Variants in SLC9A9 observed in about 807,000 individuals in gnomAD.
SLC9A9 encodes the protein sodium/hydrogen exchanger 9.
In SLC9A9, 62 loss-of-function variants were observed where a neutral mutation model predicts 77.8. The observed-to-expected ratio is 0.80, with a 90% CI of 0.65 to 0.98. The LOEUF (loss-of-function observed/expected upper bound fraction) is 0.98, where lower values mean the gene tolerates loss of function less well. Among genes scored for constraint, SLC9A9 ranks in the 50% least tolerant of loss-of-function variants. SLC9A9 has a pLI of 0.00. For missense variants in SLC9A9, 775 were observed against 774.9 expected (o/e 1.00, Z 0.00); for synonymous variants, 320 against 283.5 (o/e 1.13, Z -1.29).
intron 2 of SLC9A9, among the ~76,000 whole-genome samples, chr3:143,822,404 A>AC (rs978020610): frequency 2.0e-5 from 3 of 152,212 alleles, no homozygotes; most frequent in African/African-American, 7.2e-5. Flanking sequence ...CCTGGGGCAG[A>AC]ACTCGATAAA....
intron 11 of SLC9A9, among the ~76,000 whole-genome samples, chr3:143,489,190 A>G (rs1297481134): frequency 6.6e-6 from 1 of 151,972 alleles, no homozygotes; most frequent in Admixed American, 6.6e-5. Context: ...AGGAGGTGAA[A>G]GACTTATACA....
intron 6 of SLC9A9, chr3:143,627,402 ACT>A: frequency 4.5e-6 from 1 of 220,800 alleles, no homozygotes; most frequent in Non-Finnish European, 9.6e-6. Context: ...GAACATAGAG[ACT>A]CTGAATGTTC....
intron 14 of SLC9A9, among the ~76,000 whole-genome samples, chr3:143,343,154 C>T (rs1215503602): frequency 6.6e-6 from 1 of 152,112 alleles, no homozygotes; most frequent in Non-Finnish European, 1.5e-5. Flanking sequence ...TTTGATTGTG[C>T]TAGATGGTTT....
intron 4 of SLC9A9, among the ~76,000 whole-genome samples, chr3:143,712,049 A>G (rs1934211146): frequency 6.6e-6 from 1 of 152,196 alleles, no homozygotes; most frequent in African/African-American, 2.4e-5. Flanking sequence ...ACCTCGATAT[A>G]TGGACTGGCT....
intron 14 of SLC9A9, among the ~76,000 whole-genome samples, chr3:143,342,758 C>G (rs2032144551): frequency 6.6e-6 from 1 of 152,126 alleles, no homozygotes; most frequent in African/African-American, 2.4e-5. Context: ...CTGAAAAATT[C>G]CTATTGAGTG....
rs376585402 is a variant in SLC9A9 at position 143,771,019 on chromosome 3, T to TA, written c.533+23981dup. On this transcript the variant is annotated intron_variant, in intron 4 of 15. Coordinates refer to ENST00000316549, the MANE Select transcript of SLC9A9 (RefSeq NM_173653.4). ...ATGTATCCTGGAACTTAAAGTAAAA[T>TA]AAAAAAAAAAGATGCTCAGCCTTAC... is the stretch of plus-strand genomic sequence containing the variant. 4.8e-3 allele frequency among the ~76,000 whole-genome samples: 698 copies of TA among 145,422 alleles called. 8 individuals are homozygous for TA. Among genetic ancestry groups the TA allele is most frequent in the African/African-American group, 0.016 (637 of 39,678 alleles).
chr3:143,340,581 T>G (rs1394899779), intron 14 of SLC9A9, among the ~76,000 whole-genome samples: 1 of 152,004 alleles, frequency 6.6e-6, no homozygotes, highest in Non-Finnish European at 1.5e-5. Context: ...CTTAGAGAGG[T>G]TTCAGTTCAG....
chr3:143,404,098 G>T (rs1370391198), intron 12 of SLC9A9, among the ~76,000 whole-genome samples: 1 of 151,476 alleles, frequency 6.6e-6, no homozygotes, highest in Admixed American at 6.6e-5. Context: ...TATATAGTTG[G>T]GCCCTTTTAG....
At chr3:143,440,859 T>C (rs997670298) in intron 12 of SLC9A9, among the ~76,000 whole-genome samples, 7 of 152,204 alleles carry the variant, frequency 4.6e-5, no homozygotes, top group African/African-American at 1.7e-4. Flanking sequence ...TTTGGGGCAT[T>C]GTTATTCTAC....
At chr3:143,495,261 A>C (rs1450220888) in intron 10 of SLC9A9, 74 bp downstream of exon 10, 1 of 1,288,430 alleles carries the variant, frequency 7.8e-7, no homozygotes, top group African/African-American at 1.5e-5. Flanking sequence ...TTAATGATTT[A>C]ACAGAATAAT....
In SLC9A9 at chr3:143,469,242, A is replaced by T. The variant is rs74390985; in HGVS notation, c.1316-2052T>A. ...GACACTAATAAAAATAGAAATATAG[A>T]CTTGGAAGAAGAGTAAATAAAAGCA... On this transcript the variant is annotated intron_variant, in intron 11 of 15. Coordinates refer to ENST00000316549, the MANE Select transcript of SLC9A9 (RefSeq NM_173653.4). Among the ~76,000 whole-genome samples, 526 of 152,274 alleles carry T rather than the reference A, an allele frequency of 3.5e-3. 7 individuals carry two copies. The highest frequency in any genetic ancestry group is 0.012 in the African/African-American group (494 of 41,566).
intron 14 of SLC9A9, among the ~76,000 whole-genome samples, chr3:143,325,692 A>G (rs6788174): frequency 0.99 from 151,435 of 152,346 alleles, 75,265 homozygotes; most frequent in Middle Eastern, 1. Flanking sequence ...GGCTGTATGG[A>G]GTCTTCAAAC....
intron 4 of SLC9A9, among the ~76,000 whole-genome samples, chr3:143,775,238 A>T (rs969725225): frequency 3.3e-5 from 5 of 152,226 alleles, no homozygotes; most frequent in Admixed American, 2.0e-4. Flanking sequence ...ATCAGAATTG[A>T]TGAGATTAAA....
chr3:143,572,958 T>G (rs2037289918), intron 8 of SLC9A9, among the ~76,000 whole-genome samples: 1 of 152,196 alleles, frequency 6.6e-6, no homozygotes. Flanking sequence ...GTTTCACAGA[T>G]GGAGTTTCAT....
At chr3:143,549,318 G>C (rs1471253963) in intron 9 of SLC9A9, among the ~76,000 whole-genome samples, 1 of 152,142 alleles carries the variant, frequency 6.6e-6, no homozygotes, top group East Asian at 1.9e-4. Flanking sequence ...TACAGTATGG[G>C]ATGTGCATGT....
chr3:143,606,436 C>CTCTCTCTCTATATATATATATA (rs1419410834), intron 6 of SLC9A9, among the ~76,000 whole-genome samples: 14 of 54,214 alleles, frequency 2.6e-4, no homozygotes, highest in African/African-American at 7.7e-4. Context: ...CTCTCTCTCT[C>CTCTCTCTCTATATATATATATA]TATATATATA....
At chr3:143,569,330 T>C (rs2037221291) in intron 8 of SLC9A9, among the ~76,000 whole-genome samples, 2 of 151,468 alleles carry the variant, frequency 1.3e-5, no homozygotes, top group Non-Finnish European at 2.9e-5. Flanking sequence ...GGTGGAACAA[T>C]GGAAAGCCCA....
intron 12 of SLC9A9, among the ~76,000 whole-genome samples, chr3:143,451,245 A>G (rs576959538): frequency 1.3e-5 from 2 of 152,258 alleles, no homozygotes; most frequent in South Asian, 4.1e-4. Context: ...ATCTGTACTG[A>G]GTACAATGAA....
At chr3:143,588,998 G>C (rs1180820858) in intron 6 of SLC9A9, among the ~76,000 whole-genome samples, 1 of 152,100 alleles carries the variant, frequency 6.6e-6, no homozygotes, top group Non-Finnish European at 1.5e-5. Flanking sequence ...TGGAAAAGTA[G>C]GTTAATAGCC....
Sources: gnomAD v4.1 joint callset for allele counts (sites outside exome capture counted in the v4.1 genomes callset) on GRCh38, gnomAD v4.1.1 for gene constraint, MANE v1.5 for transcripts, NCBI Gene and HGNC (gene_info 2026-07-23, HGNC 2026-07-21) for gene names.